Variants in GPR149 observed in about 807,000 individuals in gnomAD.
GPR149 encodes the protein G protein-coupled receptor 149.
In GPR149, 50 loss-of-function variants were observed where a neutral mutation model predicts 50.2. That is an observed-to-expected ratio of 1.00 (90% CI 0.79 to 1.26). The LOEUF (loss-of-function observed/expected upper bound fraction) is 1.26. Among genes scored for constraint, GPR149 ranks in the 50% most tolerant of loss-of-function variants. The pLI, the probability that GPR149 is intolerant of heterozygous loss-of-function variation, is 0.00. For missense variants in GPR149, 983 were observed against 895.4 expected (o/e 1.10, Z -1.25); for synonymous variants, 405 against 358.2 (o/e 1.13, Z -1.48).
At chr3:154,403,777 T>C (rs372371372) in intron 3 of GPR149, among the ~76,000 whole-genome samples, 15 of 79,170 alleles carry the variant, frequency 1.9e-4, no homozygotes, top group African/African-American at 5.5e-4. Context: ...CATTCCTAAA[T>C]GCTAACTCTA....
At chr3:154,338,408 G>T in intron 3 of GPR149, 137 bp from the exon 4 acceptor site, 1 of 695,594 alleles carries the variant, frequency 1.4e-6, no homozygotes, top group Non-Finnish European at 2.3e-6. Context: ...TACAGATACG[G>T]GATTTAAATA....
At chr3:154,400,767 A>T (rs899515644) in intron 3 of GPR149, among the ~76,000 whole-genome samples, 1 of 152,242 alleles carries the variant, frequency 6.6e-6, no homozygotes, top group Non-Finnish European at 1.5e-5. Flanking sequence ...ATAATCTTGA[A>T]ATATTTGAAG....
At chr3:154,354,107 C>T in intron 3 of GPR149, 1 of 494,418 alleles carries the variant, frequency 2.0e-6, no homozygotes, top group Admixed American at 2.8e-5. Flanking sequence ...AATCCTTCTT[C>T]AGTGTCTCCA....
intron 3 of GPR149, among the ~76,000 whole-genome samples, chr3:154,372,831 TG>T (rs1454084171): frequency 1.3e-5 from 2 of 152,172 alleles, no homozygotes; most frequent in Non-Finnish European, 2.9e-5. Flanking sequence ...GTACGTGGCT[TG>T]GGCAACTGAA....
intron 3 of GPR149, among the ~76,000 whole-genome samples, chr3:154,370,282 C>G (rs977190256): frequency 3.3e-5 from 5 of 152,032 alleles, no homozygotes; most frequent in African/African-American, 4.8e-5. Flanking sequence ...ACCTGGCAAC[C>G]TTGGTATTCT....
At chr3:154,385,085 T>C (rs1036480168) in intron 3 of GPR149, among the ~76,000 whole-genome samples, 4 of 152,208 alleles carry the variant, frequency 2.6e-5, no homozygotes, top group East Asian at 1.9e-4. Context: ...TCCTAAAGGA[T>C]AAAAGTGTGA....
At chr3:154,401,097 A>C (rs1711543697) in intron 3 of GPR149, among the ~76,000 whole-genome samples, 1 of 152,220 alleles carries the variant, frequency 6.6e-6, no homozygotes, top group Non-Finnish European at 1.5e-5. Context: ...TAAAGGATGA[A>C]ATGCAAAACA....
Position 154,381,565 on chromosome 3 carries a change from CT to C in GPR149, c.1623+39473del, listed in dbSNP as rs201438096. On this transcript the variant is annotated intron_variant, in intron 3 of 3. Coordinates refer to ENST00000389740, the MANE Select transcript of GPR149 (RefSeq NM_001038705.3). ...TTTTTAGGATTTAGTTTTTTTATAACTGATAATTATTTTGAAATGTTTCATA... is the reference window on the plus strand; with the variant it reads ...TTTTTAGGATTTAGTTTTTTTATAACGATAATTATTTTGAAATGTTTCATA... Among the ~76,000 whole-genome samples, 1,149 of 152,074 alleles carry C rather than the reference CT, an allele frequency of 7.6e-3. 18 individuals are homozygous for C. Among genetic ancestry groups the C allele is most frequent in the African/African-American group, 0.026 (1,095 of 41,484 alleles).
chr3:154,353,987 C>T, intron 3 of GPR149: 1 of 471,888 alleles, frequency 2.1e-6, no homozygotes, highest in South Asian at 2.0e-5. Context: ...ATGAGTAGAA[C>T]TATCTAAGGA....
At chr3:154,372,199 AACTC>A (rs1268280249) in intron 3 of GPR149, among the ~76,000 whole-genome samples, 1 of 152,188 alleles carries the variant, frequency 6.6e-6, no homozygotes, top group Non-Finnish European at 1.5e-5. Flanking sequence ...AAAGCTGTGA[AACTC>A]ACTCCTTTCC....
rs1264142864 is a variant in GPR149, at chr3:154,430,054, T to C, written c.-439A>G. Reference sequence around the variant, plus strand: ...CTGTTCACTTTTAAGAGCAGTAAAATGATGCATTTGGTTCCAGAGCTGGAT... The same window carrying C: ...CTGTTCACTTTTAAGAGCAGTAAAACGATGCATTTGGTTCCAGAGCTGGAT... On this transcript the variant is annotated 5_prime_UTR_variant, in exon 1 of 4. Coordinates refer to ENST00000389740, the MANE Select transcript of GPR149 (RefSeq NM_001038705.3). Among the ~76,000 whole-genome samples the C allele has an allele frequency of 6.6e-6, 1 of 151,784 alleles. No homozygotes were observed. Among genetic ancestry groups the C allele is most frequent in the African/African-American group, 2.4e-5 (1 of 41,290 alleles).
chr3:154,373,946 G>A (rs1013345394), intron 3 of GPR149, among the ~76,000 whole-genome samples: 11 of 151,904 alleles, frequency 7.2e-5, no homozygotes, highest in Admixed American at 5.2e-4. Flanking sequence ...AGCAAAATGG[G>A]AAAATCAATT....
At chr3:154,413,713 A>C (rs1277356003) in intron 3 of GPR149, among the ~76,000 whole-genome samples, 1 of 152,046 alleles carries the variant, frequency 6.6e-6, no homozygotes, top group African/African-American at 2.4e-5. Flanking sequence ...GTGGTAATGT[A>C]AACTAGTACA....
intron 3 of GPR149, among the ~76,000 whole-genome samples, chr3:154,389,290 T>A (rs146712541): frequency 6.6e-6 from 1 of 152,210 alleles, no homozygotes; most frequent in East Asian, 1.9e-4. Context: ...GTCTCCTGCA[T>A]CCTGGAGCAA....
At chr3:154,352,686 T>G (rs1368790946) in intron 3 of GPR149, 1 of 781,016 alleles carries the variant, frequency 1.3e-6, no homozygotes, top group Non-Finnish European at 2.4e-6. Flanking sequence ...CTTCTATCAG[T>G]CTCTGAGCTG....
chr3:154,401,651 TG>T (rs1258425253), intron 3 of GPR149, among the ~76,000 whole-genome samples: 1 of 151,584 alleles, frequency 6.6e-6, no homozygotes, highest in Non-Finnish European at 1.5e-5. Flanking sequence ...GAAGGCAAAC[TG>T]GGGGGAAAAA....
chr3:154,364,323 T>C (rs1427708387), intron 3 of GPR149, among the ~76,000 whole-genome samples: 1 of 152,200 alleles, frequency 6.6e-6, no homozygotes, highest in Non-Finnish European at 1.5e-5. Context: ...AGCATTCCAC[T>C]CTTGGATCCT....
At chr3:154,364,846 C>A (rs898186969) in intron 3 of GPR149, among the ~76,000 whole-genome samples, 1 of 152,194 alleles carries the variant, frequency 6.6e-6, no homozygotes, top group Non-Finnish European at 1.5e-5. Flanking sequence ...TGGGATTGCA[C>A]TCTGGCAGTT....
At chr3:154,351,279 A>G (rs1329003428) in intron 3 of GPR149, among the ~76,000 whole-genome samples, 2 of 128,324 alleles carry the variant, frequency 1.6e-5, no homozygotes, top group African/African-American at 3.1e-5. Flanking sequence ...AGCCTTTTCA[A>G]TTAACAGTGC....
Sources: gnomAD v4.1 joint callset for allele counts (sites outside exome capture counted in the v4.1 genomes callset) on GRCh38, gnomAD v4.1.1 for gene constraint, MANE v1.5 for transcripts, NCBI Gene and HGNC (gene_info 2026-07-23, HGNC 2026-07-21) for gene names.